Variants in SPTBN1 observed in about 807,000 individuals in gnomAD.
The protein encoded by SPTBN1 is spectrin beta chain, non-erythrocytic 1.
In SPTBN1, 32 loss-of-function variants were observed where a neutral mutation model predicts 266.4. The ratio of observed to expected loss-of-function variants is 0.12; its 90% CI spans 0.09 to 0.16. SPTBN1 has a LOEUF of 0.16. SPTBN1 is among the 10% of genes least tolerant of loss of function. The pLI is 1.00. For missense variants in SPTBN1, 2,296 were observed against 3,067.1 expected, an observed-to-expected ratio of 0.75 and a Z score of 5.94; for synonymous variants, 1,336 against 1,162.2, an observed-to-expected ratio of 1.15 and a Z score of -3.04.
chr2:54,605,595 A>G (rs951974569), intron 3 of SPTBN1, among the ~76,000 whole-genome samples: 4 of 152,238 alleles, frequency 2.6e-5, no homozygotes, highest in Non-Finnish European at 5.9e-5. Flanking sequence ...ACATGTTTCT[A>G]TGGATAGCTC....
At chr2:54,546,057 T>G (rs984725726) in intron 2 of SPTBN1, among the ~76,000 whole-genome samples, 1 of 152,186 alleles carries the variant, frequency 6.6e-6, no homozygotes, top group Non-Finnish European at 1.5e-5. Flanking sequence ...CAGGCTCTTG[T>G]AGAGTGTTAT....
Position 54,649,287 on chromosome 2 carries a change from G to A in SPTBN1, c.5202+97G>A. The A allele has an allele frequency of 4.5e-6, 6 of 1,327,928 alleles. No individual in the cohort carries two copies. Among genetic ancestry groups the A allele is most frequent in the Non-Finnish European group, 6.2e-6 (6 of 973,368 alleles). The allele number at this position is 1,327,928 out of a possible 1,614,324, so 82.3% of individuals were successfully genotyped here. Reference sequence around the variant, plus strand: ...GTCTGTGAGCAGATAAAATGCCCTGGACTCCAATCAGAGGTCTTGGGGTTT... The same window carrying A: ...GTCTGTGAGCAGATAAAATGCCCTGAACTCCAATCAGAGGTCTTGGGGTTT... On this transcript the variant is annotated intron_variant, in intron 25 of 35. Transcript: ENST00000356805. The surrounding 1 kb of genome is among the most constrained non-coding windows in gnomAD (Gnocchi z 6.7).
rs542795935 is a variant in SPTBN1 at position 54,645,375 on chromosome 2, G to A, written c.4416G>A (p.Glu1472=). The A allele has an allele frequency of 1.5e-5, 24 of 1,614,200 alleles. No individual in the cohort carries two copies. The South Asian group carries it at 2.6e-4, about 18-fold the overall frequency. Residue 1472 remains glutamate (E), a synonymous_variant, in exon 21 of 36, where the codon GAG becomes GAA. Transcript: ENST00000356805. The surrounding 1 kb of genome is among the most constrained non-coding windows in gnomAD (Gnocchi z 4.3). ...TVQTKFMELL[E]PLNERKHNLL... ...AGACCAAGTTCATGGAGTTGCTGGA[G>A]CCCTTGAACGAGAGGAAGCATAACC...
At position 54,629,492 on chromosome 2, in the gene SPTBN1, C is replaced by A; in HGVS notation, c.2358C>A (p.His786Gln). 1.2e-6 allele frequency: 2 copies of A among 1,614,166 alleles called. No homozygotes were observed. Reference protein sequence around the residue: ...EYSTQSLVKKHKDVAEEIANY... With the variant: ...EYSTQSLVKKQKDVAEEIANY... ...CCACACAGTCTCTGGTCAAGAAACACAAGGACGTGGCGGAAGAGATCGCCA... is the reference window on the plus strand; with the variant it reads ...CCACACAGTCTCTGGTCAAGAAACAAAAGGACGTGGCGGAAGAGATCGCCA... Residue 786 changes from histidine to glutamine, a missense_variant, in exon 14 of 36, where the codon CAC becomes CAA. His to Gln is a conservative substitution (Grantham distance 24). Coordinates refer to ENST00000356805, the MANE Select transcript of SPTBN1 (RefSeq NM_003128.3).
In SPTBN1 at chr2:54,628,067, G is replaced by C; in HGVS notation, c.1645-30G>C. On this transcript the variant is annotated intron_variant, in intron 12 of 35. Coordinates refer to ENST00000356805, the MANE Select transcript of SPTBN1 (RefSeq NM_003128.3). This position sits in a 1 kb window ranked among gnomAD's most constrained non-coding sequence, Gnocchi z 4.3. ...TGCTGAAGTCAAGGCTATAGTCACA[G>C]ATGTCCTTTTGGTTGCTTCTTGTGC... The C allele has an allele frequency of 6.3e-7, 1 of 1,589,252 alleles. No individual in the cohort carries two copies. Among genetic ancestry groups the C allele is most frequent in the Non-Finnish European group, 8.6e-7 (1 of 1,167,048 alleles).
At chr2:54,514,309 C>T (rs1031127560) in intron 1 of SPTBN1, among the ~76,000 whole-genome samples, 4 of 152,048 alleles carry the variant, frequency 2.6e-5, no homozygotes, top group African/African-American at 7.3e-5. Context: ...GTATTTCCCA[C>T]GAGTGAAATC....
In SPTBN1 at chr2:54,587,432, G is replaced by A. The variant is rs146153452; in HGVS notation, c.149-11660G>A. On this transcript the variant is annotated intron_variant, in intron 2 of 35. Transcript: ENST00000356805. Reference sequence around the variant, plus strand: ...ATTCTTTTCTACTTAGTCTGTATTCGTGTTAACGTTCTGCCATTCTGTGTT... The same window carrying A: ...ATTCTTTTCTACTTAGTCTGTATTCATGTTAACGTTCTGCCATTCTGTGTT... 1.5e-4 allele frequency among the ~76,000 whole-genome samples: 23 copies of A among 152,252 alleles called. 1 individual carries two copies. In the East Asian group the frequency reaches 3.9e-3, roughly 26 times the overall value.
intron 2 of SPTBN1, among the ~76,000 whole-genome samples, chr2:54,574,649 G>C (rs560206617): frequency 6.6e-6 from 1 of 152,252 alleles, no homozygotes; most frequent in Non-Finnish European, 1.5e-5. Flanking sequence ...TGTTTAGAAT[G>C]GGTCATGCTC....
At chr2:54,660,344 G>A in intron 32 of SPTBN1, 2 of 1,227,828 alleles carry the variant, frequency 1.6e-6, no homozygotes, top group South Asian at 2.4e-5. Flanking sequence ...CCTTACATGA[G>A]TAATTGAAAT....
At chr2:54,550,264 A>C (rs1337255664) in intron 2 of SPTBN1, among the ~76,000 whole-genome samples, 1 of 152,176 alleles carries the variant, frequency 6.6e-6, no homozygotes, top group Non-Finnish European at 1.5e-5. Context: ...CTGTCCATGA[A>C]TTATTCAGGG....
chr2:54,658,943 C>G (rs1044039925), intron 30 of SPTBN1, among the ~76,000 whole-genome samples: 1 of 152,210 alleles, frequency 6.6e-6, no homozygotes, highest in African/African-American at 2.4e-5. Context: ...GGAATTTTGC[C>G]AGCCCATGGA....
At chr2:54,600,720 T>TG (rs949443230) in intron 3 of SPTBN1, among the ~76,000 whole-genome samples, 2 of 151,658 alleles carry the variant, frequency 1.3e-5, no homozygotes, top group African/African-American at 4.8e-5. Context: ...ATTGATTTTT[T>TG]TTTTTTTTTT....
chr2:54,596,832 C>G (rs1418448393), intron 2 of SPTBN1, among the ~76,000 whole-genome samples: 1 of 152,152 alleles, frequency 6.6e-6, no homozygotes, highest in Non-Finnish European at 1.5e-5. Flanking sequence ...ATTTGCCTCT[C>G]TGTAGGGAGG....
intron 28 of SPTBN1, 43 bp from the exon 29 acceptor site, chr2:54,655,871 T>C: frequency 6.8e-7 from 1 of 1,472,116 alleles, no homozygotes; most frequent in Middle Eastern, 1.7e-4. Flanking sequence ...GAGGATGTGG[T>C]GCATTCCATT....
At chr2:54,458,202 C>A (rs987377111) in intron 1 of SPTBN1, among the ~76,000 whole-genome samples, 1 of 152,162 alleles carries the variant, frequency 6.6e-6, no homozygotes, top group Non-Finnish European at 1.5e-5. Flanking sequence ...TGTAGGAAAC[C>A]ATTTTTAAAT....
intron 34 of SPTBN1, among the ~76,000 whole-genome samples, chr2:54,666,844 T>A (rs1681403834): frequency 6.6e-6 from 1 of 151,948 alleles, no homozygotes; most frequent in Non-Finnish European, 1.5e-5. Context: ...GAGGAGAGAG[T>A]GTCAGATGGT....
rs1237835882 is a variant in SPTBN1, at chr2:54,533,612, G to A, written c.148+7046G>A. Among the ~76,000 whole-genome samples the A allele has an allele frequency of 3.9e-5, 6 of 152,108 alleles. No homozygotes were observed. The highest frequency in any genetic ancestry group is 7.4e-5 in the Non-Finnish European group (5 of 68,016). ...GTCACCCAGGCTGTAGTACGATGGCGCGATCTTGGCTCACTGCAACCTCCG... is the reference window on the plus strand; with the variant it reads ...GTCACCCAGGCTGTAGTACGATGGCACGATCTTGGCTCACTGCAACCTCCG... On this transcript the variant is annotated intron_variant, in intron 2 of 35. Transcript: ENST00000356805. This position sits in a 1 kb window ranked among gnomAD's most constrained non-coding sequence, Gnocchi z 4.2.
intron 1 of SPTBN1, among the ~76,000 whole-genome samples, chr2:54,487,825 C>A (rs1352158011): frequency 4.0e-5 from 1 of 24,850 alleles, no homozygotes; most frequent in African/African-American, 1.5e-4. Flanking sequence ...ATGGTCTCCT[C>A]CTGTGTCTTT....
intron 2 of SPTBN1, among the ~76,000 whole-genome samples, chr2:54,561,860 G>A (rs1199376507): frequency 7.5e-6 from 1 of 132,592 alleles, no homozygotes; most frequent in Admixed American, 8.2e-5. Context: ...AGATTTGTGG[G>A]TCAGTAAATA....
Sources: allele counts gnomAD v4.1 joint callset (sites outside exome capture counted in the v4.1 genomes callset), GRCh38; gene constraint gnomAD v4.1.1; non-coding constraint Gnocchi (gnomAD v3.1); transcripts MANE v1.5; gene names NCBI Gene and HGNC (gene_info 2026-07-23, HGNC 2026-07-21).